OTUB2: variants seen among roughly 807,000 people sequenced by gnomAD.
The protein encoded by OTUB2 is ubiquitin thioesterase OTUB2.
A neutral mutation model predicts 25.1 loss-of-function variants in OTUB2; 21 were observed. That is an observed-to-expected ratio of 0.84 (90% CI 0.59 to 1.21). The LOEUF (loss-of-function observed/expected upper bound fraction) is 1.21. Among genes scored for constraint, OTUB2 ranks in the 50% most tolerant of loss-of-function variants. The probability of loss-of-function intolerance (pLI) is 0.00; values close to 1 mark genes in which losing one functional copy is unlikely to be tolerated. For synonymous variants in OTUB2, 122 were observed against 122.8 expected (o/e 0.99, Z 0.04); for missense variants, 283 against 298.0 (o/e 0.95, Z 0.37).
In OTUB2 at chr14:94,048,583, T is replaced by C. The variant is rs1278932337; in HGVS notation, c.*2661T>C. 6.6e-6 allele frequency: 1 copy of C among 152,202 alleles called. No homozygotes were observed. Among genetic ancestry groups the C allele is most frequent in the East Asian group, 1.9e-4 (1 of 5,194 alleles). 9.4% of individuals were successfully genotyped at this position (152,202 alleles called of 1,614,324 possible). On this transcript the variant is annotated 3_prime_UTR_variant, in exon 6 of 6. Coordinates refer to ENST00000203664, the MANE Select transcript of OTUB2 (RefSeq NM_023112.4). ...ATTGGTTAAAACAGAATGAGATTCCTTGTGTGAAAATAGCTATTATACCTG... is the reference window on the plus strand; with the variant it reads ...ATTGGTTAAAACAGAATGAGATTCCCTGTGTGAAAATAGCTATTATACCTG...
chr14:94,037,339 T>G (rs1289286395), intron 1 of OTUB2, 41 bp from the exon 2 acceptor site: 1 of 1,477,652 alleles, frequency 6.8e-7, no homozygotes, highest in South Asian at 1.2e-5. Context: ...GTCCGTTGCT[T>G]TTGAAATTGT....
At chr14:94,038,446 C>T (rs563698910) in intron 2 of OTUB2, among the ~76,000 whole-genome samples, 2 of 152,348 alleles carry the variant, frequency 1.3e-5, no homozygotes, top group East Asian at 1.9e-4. Flanking sequence ...GAAAACCATC[C>T]TCTGCTGTCA....
At chr14:94,041,296 T>G (rs1317921585) in intron 3 of OTUB2, among the ~76,000 whole-genome samples, 1 of 152,096 alleles carries the variant, frequency 6.6e-6, no homozygotes, top group Non-Finnish European at 1.5e-5. Context: ...TGTTTTGCGA[T>G]GCTGTCTGAA....
intron 4 of OTUB2, 127 bp from the exon 5 acceptor site, chr14:94,044,459 T>C (rs1885224768): frequency 9.8e-7 from 1 of 1,021,784 alleles, no homozygotes; most frequent in African/African-American, 1.6e-5. Flanking sequence ...ATTTTCTAAC[T>C]CAACCTGAGA....
chr14:94,029,396 T>C lies in OTUB2; in HGVS notation c.3+2856T>C, dbSNP rs548376293. On this transcript the variant is annotated intron_variant, in intron 1 of 5. Coordinates refer to ENST00000203664, the MANE Select transcript of OTUB2 (RefSeq NM_023112.4). Reference sequence around the variant, plus strand: ...CCAGATCAAGGTGTCAGCAGGGCCATGCTCCCTCTGAAGGCGCTAGGGAAG... The same window carrying C: ...CCAGATCAAGGTGTCAGCAGGGCCACGCTCCCTCTGAAGGCGCTAGGGAAG... 1.7e-4 allele frequency among the ~76,000 whole-genome samples: 26 copies of C among 152,322 alleles called. 1 individual carries two copies. The highest frequency in any genetic ancestry group is 6.3e-4 in the African/African-American group (26 of 41,568).
At chr14:94,039,920 C>G (rs548579268) in intron 3 of OTUB2, among the ~76,000 whole-genome samples, 1 of 152,222 alleles carries the variant, frequency 6.6e-6, no homozygotes, top group African/African-American at 2.4e-5. Context: ...ACTTCTTTGG[C>G]TGAGGCAGGT....
intron 3 of OTUB2, among the ~76,000 whole-genome samples, chr14:94,040,613 C>T (rs752732672): frequency 2.6e-5 from 4 of 152,210 alleles, no homozygotes; most frequent in Non-Finnish European, 5.9e-5. Flanking sequence ...CACCAGCCCA[C>T]GTGCTCTGTT....
chr14:94,039,849 A>C (rs1009607479), intron 3 of OTUB2, among the ~76,000 whole-genome samples: 4 of 152,124 alleles, frequency 2.6e-5, no homozygotes, highest in Non-Finnish European at 5.9e-5. Flanking sequence ...GGCCCTCCTC[A>C]TCTGAGACCC....
At chr14:94,026,588 GTGGGC>G in intron 1 of OTUB2, 48 bp downstream of exon 1, 1 of 1,223,006 alleles carries the variant, frequency 8.2e-7, no homozygotes, top group Non-Finnish European at 1.0e-6. Flanking sequence ...AGGGGGCGCG[GTGGGC>G]GGGGTCGCTG....
In OTUB2 at chr14:94,039,091, G is replaced by A. The variant is rs150346293; in HGVS notation, c.218+10G>A. 5.7e-5 allele frequency: 92 copies of A among 1,608,180 alleles called. No individual in the cohort carries two copies. Among genetic ancestry groups the A allele is most frequent in the East Asian group, 2.5e-4 (11 of 44,836 alleles). On this transcript the variant is annotated intron_variant, in intron 3 of 5. Coordinates refer to ENST00000203664, the MANE Select transcript of OTUB2 (RefSeq NM_023112.4). ...GCAGGGAGATCTTCAAGTGAGTGCC[G>A]GGGCCCCTTGGCCTGTCAGGGCTGT...
chr14:94,039,422 G>A (rs979076721), intron 3 of OTUB2: 2 of 298,212 alleles, frequency 6.7e-6, no homozygotes, highest in Non-Finnish European at 1.3e-5. Flanking sequence ...GCTTTGCCCC[G>A]GTGTTCTGCA....
At chr14:94,041,278 A>G (rs1226910043) in intron 3 of OTUB2, among the ~76,000 whole-genome samples, 1 of 152,108 alleles carries the variant, frequency 6.6e-6, no homozygotes, top group African/African-American at 2.4e-5. Context: ...GAGGAATATC[A>G]GGAGCTGTGT....
In OTUB2 at chr14:94,045,535, C is replaced by CAGAAA. The variant is rs1393244402; in HGVS notation, c.499-181_499-180insAGAAA. The stretch of plus-strand genomic sequence containing the variant: ...TTGTAGCGATTTCTAGCTATGCTGC[C>CAGAAA]TCTCAATGAGGCTGTTTCCCGTGTG... On this transcript the variant is annotated intron_variant, in intron 5 of 5. Coordinates refer to ENST00000203664, the MANE Select transcript of OTUB2 (RefSeq NM_023112.4). 6.7e-3 allele frequency among the ~76,000 whole-genome samples: 1,025 copies of CAGAAA among 152,288 alleles called. 9 individuals carry two copies. Among genetic ancestry groups the CAGAAA allele is most frequent in the African/African-American group, 0.023 (949 of 41,534 alleles).
At chr14:94,036,924 G>A (rs768324665) in intron 1 of OTUB2, among the ~76,000 whole-genome samples, 15 of 152,144 alleles carry the variant, frequency 9.9e-5, no homozygotes, top group Non-Finnish European at 2.1e-4. Context: ...AGTGCTAGAC[G>A]TCCTTCCTTC....
Position 94,038,237 on chromosome 14 carries a change from C to T in OTUB2, c.100-726C>T, listed in dbSNP as rs539209744. Among the ~76,000 whole-genome samples the T allele has an allele frequency of 7.7e-4, 118 of 152,346 alleles. 1 individual carries two copies. The highest frequency in any genetic ancestry group is 2.4e-3 in the African/African-American group (99 of 41,576). ...TGGTGTGGGCATCATGTGATCCGAA[C>T]GCCGCTGCGGGGCACTTCCAGGGAA... is the stretch of plus-strand genomic sequence containing the variant. On this transcript the variant is annotated intron_variant, in intron 2 of 5. Transcript: ENST00000203664.
intron 3 of OTUB2, among the ~76,000 whole-genome samples, chr14:94,040,108 T>C (rs927071190): frequency 2.0e-5 from 3 of 152,034 alleles, no homozygotes; most frequent in African/African-American, 7.2e-5. Flanking sequence ...AAAAACCTCT[T>C]TCGGTGGAAA....
chr14:94,035,758 G>A (rs1327535768), intron 1 of OTUB2, among the ~76,000 whole-genome samples: 10 of 152,152 alleles, frequency 6.6e-5, no homozygotes, highest in Admixed American at 6.5e-4. Flanking sequence ...CAGATGAGGT[G>A]GGGAGATCAG....
chr14:94,037,488 G>A lies in OTUB2; in HGVS notation c.99+13G>A. ...GAGGAAAATCGAGGTGAGGCAGAGGGCAGGGAGAAGAGCATCCGAAACTAA... is the reference window on the plus strand; with the variant it reads ...GAGGAAAATCGAGGTGAGGCAGAGGACAGGGAGAAGAGCATCCGAAACTAA... On this transcript the variant is annotated intron_variant, in intron 2 of 5. Coordinates refer to ENST00000203664, the MANE Select transcript of OTUB2 (RefSeq NM_023112.4). 6.4e-7 allele frequency: 1 copy of A among 1,555,486 alleles called. No homozygotes were observed. Among genetic ancestry groups the A allele is most frequent in the Admixed American group, 1.7e-5 (1 of 59,564 alleles).
chr14:94,034,176 A>G (rs973286777), intron 1 of OTUB2, among the ~76,000 whole-genome samples: 1 of 152,208 alleles, frequency 6.6e-6, no homozygotes, highest in Non-Finnish European at 1.5e-5. Flanking sequence ...TTCCTTCCAG[A>G]TATCACTGAT....
Sources: allele counts gnomAD v4.1 joint callset (sites outside exome capture counted in the v4.1 genomes callset), GRCh38; gene constraint gnomAD v4.1.1; transcripts MANE v1.5; gene names NCBI Gene and HGNC (gene_info 2026-07-23, HGNC 2026-07-21).